The following EPB42 variants were observed in gnomAD, a reference collection of about 807,000 sequenced individuals.
EPB42 encodes the protein erythrocyte membrane protein band 4.2, also known as protein 4.2.
Under a neutral mutation model 76.9 loss-of-function variants are expected in EPB42, and 49 were observed. That is an observed-to-expected ratio of 0.64 (90% CI 0.51 to 0.81). EPB42 has a LOEUF of 0.81. Ranked by LOEUF, EPB42 falls within the 30% of genes least tolerant of loss-of-function variation. The pLI is 0.00. For missense variants in EPB42, 731 were observed against 867.6 expected (o/e 0.84, Z 1.98); for synonymous variants, 310 against 338.4 (o/e 0.92, Z 0.92).
rs1457266624 is a variant in EPB42 at position 43,201,898 on chromosome 15, T to G, written c.1859A>C (p.Asp620Ala). ...LQNSLDAPME[D>A]CVISILGRGL... Reference sequence around the variant, plus strand: ...CCTTCCCAGGATGGAGATCACACAGTCCTCCATGGGGGCATCTAGGGAGTT... The same window carrying G: ...CCTTCCCAGGATGGAGATCACACAGGCCTCCATGGGGGCATCTAGGGAGTT... The change falls in exon 12 of 13, where the codon GAC (aspartate) becomes GCC (alanine). Residue 620 changes from aspartate (D) to alanine (A), a missense_variant. Physicochemically the swap from Asp to Ala is moderately radical, Grantham distance 126. Transcript: ENST00000441366. 1.9e-6 allele frequency: 3 copies of G among 1,614,004 alleles called. No homozygotes were observed. In the East Asian group the frequency reaches 6.7e-5, roughly 36 times the overall value.
At chr15:43,203,997 C>A (rs1020375365) in intron 10 of EPB42, among the ~76,000 whole-genome samples, 1 of 152,132 alleles carries the variant, frequency 6.6e-6, no homozygotes, top group African/African-American at 2.4e-5. Flanking sequence ...CAATTTTAAC[C>A]CATCTCTCCT....
At chr15:43,213,472 G>C (rs1410221534) in intron 3 of EPB42, among the ~76,000 whole-genome samples, 1 of 152,144 alleles carries the variant, frequency 6.6e-6, no homozygotes, top group African/African-American at 2.4e-5. Flanking sequence ...CAGGCAGAGA[G>C]GCCCTCCCTA....
chr15:43,215,998 A>G (rs1302418539), intron 2 of EPB42, among the ~76,000 whole-genome samples: 1 of 152,202 alleles, frequency 6.6e-6, no homozygotes, highest in Non-Finnish European at 1.5e-5. Flanking sequence ...GGCCCCATCC[A>G]GAATTTTCTA....
At chr15:43,201,357 C>A (rs568979172) in intron 12 of EPB42, among the ~76,000 whole-genome samples, 1 of 152,132 alleles carries the variant, frequency 6.6e-6, no homozygotes, top group East Asian at 1.9e-4. Context: ...GTTAAAAGTA[C>A]AGGCTCATGA....
At chr15:43,211,227 T>C (rs2042290940) in intron 4 of EPB42, among the ~76,000 whole-genome samples, 189 bp downstream of exon 4, 1 of 151,802 alleles carries the variant, frequency 6.6e-6, no homozygotes, top group South Asian at 2.1e-4. Flanking sequence ...TTAAGGAAAA[T>C]AATTCTGGGA....
At chr15:43,203,507 G>C (rs574438868) in intron 10 of EPB42, among the ~76,000 whole-genome samples, 26 of 152,258 alleles carry the variant, frequency 1.7e-4, no homozygotes, top group African/African-American at 6.3e-4. Flanking sequence ...GTTGGGAAAG[G>C]GTCCCCTGTG....
At chr15:43,201,417 G>T (rs1254723771) in intron 12 of EPB42, among the ~76,000 whole-genome samples, 4 of 152,266 alleles carry the variant, frequency 2.6e-5, no homozygotes, top group African/African-American at 9.6e-5. Flanking sequence ...ATGAAGGATG[G>T]TGGTGAAAAT....
chr15:43,207,232 C>G lies in EPB42; in HGVS notation c.1285G>C (p.Glu429Gln). The change falls in exon 9 of 13, where the codon GAG (glutamate) becomes CAG (glutamine). Residue 429 changes from glutamate to glutamine, a missense_variant. By Grantham distance (29) the Glu-to-Gln change is conservative. Transcript: ENST00000441366. The stretch of plus-strand genomic sequence containing the variant: ...TACTTGTAGTTCTGAGTGATGTCCT[C>G]GCAGCGGTCACTGCCCACACCCTTG... ...STKGVGSDRC[E>Q]DITQNYKYPE... is the part of the protein sequence containing the mutation. 1 of 1,614,070 alleles carries G rather than the reference C, an allele frequency of 6.2e-7. No homozygotes were observed. Among genetic ancestry groups the G allele is most frequent in the Non-Finnish European group, 8.5e-7 (1 of 1,179,970 alleles).
At chr15:43,208,185 C>T in intron 8 of EPB42, 45 bp downstream of exon 8, 1 of 1,568,854 alleles carries the variant, frequency 6.4e-7, no homozygotes, top group Non-Finnish European at 8.8e-7. Flanking sequence ...GGGACTTCAG[C>T]TCTGTGCAGC....
intron 10 of EPB42, among the ~76,000 whole-genome samples, 190 bp from the exon 11 acceptor site, chr15:43,203,465 C>T (rs942053350): frequency 2.6e-5 from 4 of 152,150 alleles, no homozygotes; most frequent in African/African-American, 4.8e-5. Context: ...TCACCAACCC[C>T]GACAATGCTC....
In EPB42 at chr15:43,201,854, T is replaced by A; in HGVS notation, c.1903A>T (p.Arg635Trp). 1 of 1,614,172 alleles carries A rather than the reference T, an allele frequency of 6.2e-7. No homozygotes were observed. The highest frequency in any genetic ancestry group is 8.5e-7 in the Non-Finnish European group (1 of 1,180,008). Residue 635 changes from arginine to tryptophan, a missense_variant, in exon 12 of 13, where the codon AGG (arginine) becomes TGG (tryptophan). Physicochemically the swap from Arg to Trp is moderately radical, Grantham distance 101. Transcript: ENST00000441366. The stretch of plus-strand genomic sequence containing the variant: ...CCTGCCATCACTTACCTGTAGCTCC[T>A]CTCTCTGTGAATGAGCCCCCTTCCC... ...ILGRGLIHRERSYRFRSVWPE... is the reference protein window; with the variant it reads ...ILGRGLIHREWSYRFRSVWPE...
intron 12 of EPB42, 78 bp downstream of exon 12, chr15:43,201,766 A>G: frequency 2.5e-6 from 4 of 1,600,912 alleles, no homozygotes; most frequent in Non-Finnish European, 3.4e-6. Context: ...CATGGCAAAG[A>G]GAGAGTTTCT....
chr15:43,201,969 C>T lies in EPB42; in HGVS notation c.1788G>A (p.Glu596=), dbSNP rs753192025. 19 of 1,614,114 alleles carry T rather than the reference C, an allele frequency of 1.2e-5. No homozygotes were observed. In the East Asian group the frequency reaches 4.2e-4, roughly 36 times the overall value. Residue 596 remains glutamate, a synonymous_variant, in exon 12 of 13, where the codon GAG becomes GAA. Coordinates refer to ENST00000441366, the MANE Select transcript of EPB42 (RefSeq NM_001114134.2). ...CRPHLAIKMP[E]KAEQYQPLTA... ...TGAGGGGTTGATACTGCTCTGCTTT[C>T]TCTGGCATCTGTGGGAAGAGGCAAT...
At chr15:43,219,183 G>T (rs1280021901) in intron 1 of EPB42, among the ~76,000 whole-genome samples, 1 of 152,224 alleles carries the variant, frequency 6.6e-6, no homozygotes, top group East Asian at 1.9e-4. Flanking sequence ...CAAGCGCAGA[G>T]CTGTGAAGAG....
At position 43,206,698 on chromosome 15, in the gene EPB42, G is replaced by GAATC; in HGVS notation, c.1319-73_1319-70dup. On this transcript the variant is annotated intron_variant, in intron 9 of 12. Transcript: ENST00000441366. This position sits in a 1 kb window ranked among gnomAD's most constrained non-coding sequence, Gnocchi z 4.7. ...ATAAATGCTTCTAATAAAACCCTGG[G>GAATC]AATCAAAACCATTTACCCACTTCTG... is the stretch of plus-strand genomic sequence containing the variant. The GAATC allele has an allele frequency of 6.3e-7, 1 of 1,575,354 alleles. No individual in the cohort carries two copies. Among genetic ancestry groups the GAATC allele is most frequent in the Non-Finnish European group, 8.7e-7 (1 of 1,149,484 alleles).
chr15:43,207,471 G>A (rs757317129), intron 8 of EPB42, 30 bp from the exon 9 acceptor site: 1 of 1,611,034 alleles, frequency 6.2e-7, no homozygotes, highest in African/African-American at 1.3e-5. Context: ...GTGAGCATGG[G>A]AGCTGCGCCT....
Position 43,215,094 on chromosome 15 carries a change from C to T in EPB42, c.430+1G>A. The T allele has an allele frequency of 6.2e-7, 1 of 1,613,782 alleles. No individual in the cohort carries two copies. Among genetic ancestry groups the T allele is most frequent in the Non-Finnish European group, 8.5e-7 (1 of 1,179,822 alleles). On this transcript the variant is annotated splice_donor_variant, in intron 3 of 12. Transcript: ENST00000441366. LOFTEE classifies it high-confidence loss of function. ...CCAGGCTGGCCCAGGTCCAAACTTA[C>T]CTCTATTCCAGGGGTTAAAAAGCAG...
chr15:43,208,693 A>T lies in EPB42; in HGVS notation c.915T>A (p.Asp305Glu). 1.2e-6 allele frequency: 2 copies of T among 1,613,910 alleles called. No homozygotes were observed. Among genetic ancestry groups the T allele is most frequent in the Non-Finnish European group, 8.5e-7 (1 of 1,179,974 alleles). ...AQGTGGRLLI[D>E]EYYNEEGLQN... ...GAAGTCCCTCCTCATTATAGTATTC[A>T]TCTATGAGAAGACGCCCACCGGTGC... The change falls in exon 7 of 13, where the codon GAT becomes GAA. Residue 305 changes from aspartate to glutamate, a missense_variant. Transcript: ENST00000441366.
chr15:43,214,749 C>T (rs939329021), intron 3 of EPB42, among the ~76,000 whole-genome samples: 4 of 152,122 alleles, frequency 2.6e-5, no homozygotes, highest in African/African-American at 7.2e-5. Flanking sequence ...AGTTCTCACC[C>T]CTGCACTGTT....
Sources: gnomAD v4.1 joint callset for allele counts (sites outside exome capture counted in the v4.1 genomes callset) on GRCh38, gnomAD v4.1.1 for gene constraint, Gnocchi (gnomAD v3.1) non-coding constraint, MANE v1.5 for transcripts, NCBI Gene and HGNC (gene_info 2026-07-23, HGNC 2026-07-21) for gene names.